CENPE: variants seen among roughly 807,000 people sequenced by gnomAD.
The protein encoded by CENPE is centromere-associated protein E.
In CENPE, 145 loss-of-function variants were observed where a neutral mutation model predicts 336.1. That is an observed-to-expected ratio of 0.43 (90% CI 0.38 to 0.50). CENPE has a LOEUF of 0.50. CENPE is among the 20% of genes least tolerant of loss of function. The probability of loss-of-function intolerance (pLI) is 0.00; values close to 1 mark genes in which losing one functional copy is unlikely to be tolerated. For synonymous variants in CENPE, 1,013 were observed against 984.8 expected, an observed-to-expected ratio of 1.03 and a Z score of -0.54; for missense variants, 2,719 against 3,023.3, an observed-to-expected ratio of 0.90 and a Z score of 2.36.
Position 103,141,893 on chromosome 4 carries a change from C to A in CENPE, c.5320G>T (p.Glu1774Ter). 1 of 1,594,764 alleles carries A rather than the reference C, an allele frequency of 6.3e-7. No individual in the cohort carries two copies. The highest frequency in any genetic ancestry group is 2.3e-5 in the East Asian group (1 of 44,266). ...TGCATGTGAGCAATTCTTAGTTCCT[C>A]TTGTATTTTCAGATCCTTTACCATT... ...ALKAQDLKIQ[E>*]ELRIAHMHLK... The change falls in exon 35 of 49, where the codon GAG (glutamate) becomes TAG (stop). Residue 1774 changes from glutamate (E) to a stop codon, truncating the protein, a stop_gained. Transcript: ENST00000265148. LOFTEE classifies it high-confidence loss of function.
chr4:103,169,182 A>G (rs1755177404), intron 16 of CENPE, among the ~76,000 whole-genome samples: 1 of 152,104 alleles, frequency 6.6e-6, no homozygotes, highest in Non-Finnish European at 1.5e-5. Context: ...CATCAATAGA[A>G]GAATGGATCA....
chr4:103,165,879 T>TA (rs201641959), intron 16 of CENPE, among the ~76,000 whole-genome samples: 156 of 139,820 alleles, frequency 1.1e-3, no homozygotes, highest in East Asian at 3.8e-3. Flanking sequence ...CTTTGTGTTT[T>TA]AAAAAAAAAA....
chr4:103,175,044 A>G, intron 15 of CENPE, 141 bp from the exon 16 acceptor site: 1 of 502,762 alleles, frequency 2.0e-6, no homozygotes, highest in Non-Finnish European at 3.4e-6. Context: ...AAACTAGCTA[A>G]CTTAGAATAG....
At chr4:103,185,466 A>G (rs955115682) in intron 9 of CENPE, among the ~76,000 whole-genome samples, 2 of 152,024 alleles carry the variant, frequency 1.3e-5, no homozygotes, top group South Asian at 4.1e-4. Flanking sequence ...TTAAAAATTA[A>G]TATCTGCATA....
chr4:103,116,883 A>G (rs1006998759), intron 44 of CENPE, among the ~76,000 whole-genome samples, 194 bp from the exon 45 acceptor site: 3 of 152,148 alleles, frequency 2.0e-5, no homozygotes, highest in Non-Finnish European at 4.4e-5. Flanking sequence ...CTAATATGCA[A>G]TTAGAAACAT....
chr4:103,143,189 A>T, intron 34 of CENPE, 59 bp downstream of exon 34: 1 of 1,242,066 alleles, frequency 8.1e-7, no homozygotes, highest in South Asian at 1.5e-5. Flanking sequence ...ATCTTGTTTC[A>T]TTACACAAAA....
At chr4:103,183,142 G>T in intron 10 of CENPE, 59 bp downstream of exon 10, 1 of 1,307,514 alleles carries the variant, frequency 7.6e-7, no homozygotes, top group Non-Finnish European at 1.1e-6. Flanking sequence ...ATGTTGCAAT[G>T]TTCAACCTAA....
At chr4:103,155,423 A>C (rs781380824) in intron 24 of CENPE, among the ~76,000 whole-genome samples, 5 of 151,916 alleles carry the variant, frequency 3.3e-5, no homozygotes, top group Non-Finnish European at 7.4e-5. Flanking sequence ...TGATCCTCCT[A>C]CCTCAGCCTC....
intron 34 of CENPE, among the ~76,000 whole-genome samples, chr4:103,142,692 G>A (rs139006266): frequency 6.2e-4 from 95 of 152,154 alleles, no homozygotes; most frequent in African/African-American, 2.2e-3. Context: ...TTGATACATA[G>A]TTTCCCTAAG....
chr4:103,156,467 A>G (rs925151577), intron 24 of CENPE, among the ~76,000 whole-genome samples: 2 of 152,198 alleles, frequency 1.3e-5, no homozygotes, highest in Non-Finnish European at 2.9e-5. Flanking sequence ...GGATGCCAAG[A>G]CTACTCAATG....
intron 13 of CENPE, among the ~76,000 whole-genome samples, chr4:103,179,888 A>C (rs1354663858): frequency 2.0e-5 from 3 of 152,246 alleles, no homozygotes; most frequent in African/African-American, 7.2e-5. Flanking sequence ...CAACAAAGTA[A>C]GAATTTTGTT....
At chr4:103,176,815 A>G in intron 14 of CENPE, 84 bp downstream of exon 14, 3 of 997,668 alleles carry the variant, frequency 3.0e-6, no homozygotes, top group Non-Finnish European at 4.3e-6. Flanking sequence ...CATGTTTATC[A>G]CATTAACTGA....
At chr4:103,148,780 A>ATCT in intron 28 of CENPE, 64 bp downstream of exon 28, 1 of 1,454,080 alleles carries the variant, frequency 6.9e-7, no homozygotes, top group African/African-American at 1.4e-5. Context: ...CTTACTGCTT[A>ATCT]TCTTTCCTTC....
intron 8 of CENPE, among the ~76,000 whole-genome samples, chr4:103,190,470 GC>G (rs1757207513): frequency 1.3e-5 from 2 of 152,106 alleles, no homozygotes; most frequent in African/African-American, 4.8e-5. Flanking sequence ...AAGGAACAGA[GC>G]CCTCAGAAAT....
intron 37 of CENPE, 71 bp downstream of exon 37, chr4:103,140,185 C>T (rs900940912): frequency 1.4e-6 from 2 of 1,476,810 alleles, no homozygotes; most frequent in African/African-American, 1.4e-5. Context: ...ATATCTGTAT[C>T]TATATCTTTT....
intron 16 of CENPE, among the ~76,000 whole-genome samples, chr4:103,164,163 A>T (rs1452153192): frequency 1.3e-5 from 2 of 152,122 alleles, no homozygotes; most frequent in Non-Finnish European, 2.9e-5. Flanking sequence ...ATTGCACTCC[A>T]TTATATTGTT....
intron 37 of CENPE, 60 bp downstream of exon 37, chr4:103,140,196 T>C: frequency 6.7e-7 from 1 of 1,503,074 alleles, no homozygotes; most frequent in Non-Finnish European, 9.0e-7. Flanking sequence ...TATATCTTTT[T>C]AATTCCACAA....
chr4:103,153,303 T>C (rs1753711889), intron 24 of CENPE, 53 bp from the exon 25 acceptor site: 1 of 1,132,102 alleles, frequency 8.8e-7, no homozygotes, highest in Admixed American at 2.3e-5. Context: ...ACAACAACTT[T>C]AAAAAATAAT....
At chr4:103,195,056 A>G in intron 5 of CENPE, 58 bp downstream of exon 5, 1 of 1,445,114 alleles carries the variant, frequency 6.9e-7, no homozygotes, top group Non-Finnish European at 9.2e-7. Flanking sequence ...TAAACATTCA[A>G]GAACAATAAT....
Sources: allele counts gnomAD v4.1 joint callset (sites outside exome capture counted in the v4.1 genomes callset), GRCh38; gene constraint gnomAD v4.1.1; transcripts MANE v1.5; gene names NCBI Gene and HGNC (gene_info 2026-07-23, HGNC 2026-07-21).